Variants in ALCAM observed in about 807,000 individuals in gnomAD.
The protein encoded by ALCAM is activated leukocyte cell adhesion molecule, also known as CD166 antigen.
A neutral mutation model predicts 70.9 loss-of-function variants in ALCAM; 30 were observed. That is an observed-to-expected ratio of 0.42 (90% CI 0.32 to 0.57). The LOEUF (loss-of-function observed/expected upper bound fraction) is 0.57. Among genes scored for constraint, ALCAM ranks in the 20% least tolerant of loss-of-function variants. ALCAM has a pLI of 0.11. For synonymous variants in ALCAM, 249 were observed against 242.5 expected (o/e 1.03, Z -0.25); for missense variants, 591 against 695.1 (o/e 0.85, Z 1.68).
In ALCAM at chr3:105,367,156, C is replaced by G; in HGVS notation, c.-253C>G. On this transcript the variant is annotated 5_prime_UTR_variant, in exon 1 of 16. Coordinates refer to ENST00000306107, the MANE Select transcript of ALCAM (RefSeq NM_001627.4). Reference sequence around the variant, plus strand: ...CCTGGAAACAGAGGGTCGTTGTCCCCGGAGGAGCAGCCGAAGGGCCCGTGG... The same window carrying G: ...CCTGGAAACAGAGGGTCGTTGTCCCGGGAGGAGCAGCCGAAGGGCCCGTGG... 1 of 525,864 alleles carries G rather than the reference C, an allele frequency of 1.9e-6. No homozygotes were observed. The highest frequency in any genetic ancestry group is 3.5e-6 in the Non-Finnish European group (1 of 289,842). 32.6% of individuals were successfully genotyped at this position (525,864 alleles called of 1,614,324 possible). A position where few individuals can be genotyped will look rare whatever the true frequency, so the allele number is the denominator to read the frequency against.
intron 1 of ALCAM, among the ~76,000 whole-genome samples, chr3:105,500,170 C>T (rs1164389831): frequency 6.6e-6 from 1 of 152,010 alleles, no homozygotes; most frequent in Non-Finnish European, 1.5e-5. Context: ...CCAGTTTCCA[C>T]ATTATTTCAC....
intron 1 of ALCAM, among the ~76,000 whole-genome samples, chr3:105,369,474 A>G (rs1439368952): frequency 1.3e-5 from 2 of 152,178 alleles, no homozygotes; most frequent in Admixed American, 1.3e-4. Flanking sequence ...GGTTTCGGTG[A>G]ATTACCGAGC....
chr3:105,565,329 T>A (rs1267112199), intron 14 of ALCAM, among the ~76,000 whole-genome samples: 1 of 152,216 alleles, frequency 6.6e-6, no homozygotes, highest in East Asian at 1.9e-4. Flanking sequence ...TTGCCTTTAC[T>A]GTTTTGAAAA....
rs187560992 is a variant in ALCAM at position 105,572,758 on chromosome 3, G to A, written c.*25+794G>A. ...TCTCAAAACAGGAAGAGAGTTTTTC[G>A]AAAGGAAACTTTCGTGACTCAGAAA... On this transcript the variant is annotated intron_variant, in intron 15 of 15. Transcript: ENST00000306107. 9.0e-3 allele frequency among the ~76,000 whole-genome samples: 1,376 copies of A among 152,140 alleles called. 7 individuals carry two copies. The highest frequency in any genetic ancestry group is 0.018 in the African/African-American group (747 of 41,520).
intron 1 of ALCAM, among the ~76,000 whole-genome samples, chr3:105,382,869 ACTGCT>A (rs1935561508): frequency 6.6e-6 from 1 of 151,944 alleles, no homozygotes; most frequent in South Asian, 2.1e-4. Context: ...AACTCTTATA[ACTGCT>A]CTGCTTCAAA....
intron 1 of ALCAM, among the ~76,000 whole-genome samples, chr3:105,507,852 C>T (rs1939124347): frequency 6.6e-6 from 1 of 152,118 alleles, no homozygotes; most frequent in African/African-American, 2.4e-5. Flanking sequence ...TCAACCTTGC[C>T]ATTTTAGTCA....
intron 14 of ALCAM, among the ~76,000 whole-genome samples, chr3:105,567,964 C>T (rs1359017372): frequency 1.3e-5 from 2 of 151,810 alleles, no homozygotes; most frequent in Non-Finnish European, 2.9e-5. Context: ...TGTCACCTTG[C>T]GCTTGTGATG....
At chr3:105,417,587 C>A (rs1936536691) in intron 1 of ALCAM, among the ~76,000 whole-genome samples, 1 of 151,670 alleles carries the variant, frequency 6.6e-6, no homozygotes, top group Admixed American at 6.6e-5. Flanking sequence ...AATTCTTTAG[C>A]CTTGTTTCTT....
chr3:105,550,345 G>A (rs920018112), intron 12 of ALCAM, 86 bp downstream of exon 12: 7 of 1,287,786 alleles, frequency 5.4e-6, no homozygotes, highest in Non-Finnish European at 7.5e-6. Context: ...CCATCTTCCT[G>A]TACTGCATTA....
intron 1 of ALCAM, among the ~76,000 whole-genome samples, chr3:105,384,908 T>C (rs950249528): frequency 6.6e-6 from 1 of 151,570 alleles, no homozygotes; most frequent in African/African-American, 2.4e-5. Context: ...TAAAGCCAAG[T>C]AAACAAGACT....
chr3:105,539,648 T>C (rs190821710), intron 6 of ALCAM, among the ~76,000 whole-genome samples: 12 of 152,202 alleles, frequency 7.9e-5, no homozygotes, highest in African/African-American at 2.9e-4. Context: ...TATAATTAAA[T>C]TTCCCTATCA....
At chr3:105,528,721 G>A (rs1939768407) in intron 3 of ALCAM, among the ~76,000 whole-genome samples, 1 of 152,108 alleles carries the variant, frequency 6.6e-6, no homozygotes, top group South Asian at 2.1e-4. Context: ...ACACACTGGG[G>A]CCTTTCAGAG....
At chr3:105,431,510 G>T (rs1199107987) in intron 1 of ALCAM, among the ~76,000 whole-genome samples, 1 of 152,086 alleles carries the variant, frequency 6.6e-6, no homozygotes, top group African/African-American at 2.4e-5. Flanking sequence ...CTTTCTGCTT[G>T]TATCCCATTT....
intron 11 of ALCAM, 50 bp from the exon 12 acceptor site, chr3:105,550,077 T>G: frequency 6.6e-7 from 1 of 1,509,036 alleles, no homozygotes; most frequent in African/African-American, 1.4e-5. Flanking sequence ...TTTCCTATGC[T>G]TTTTAATCCA....
At position 105,558,366 on chromosome 3, in the gene ALCAM, T is replaced by A. The variant is rs534612994; in HGVS notation, c.1664+5781T>A. On this transcript the variant is annotated intron_variant, in intron 14 of 15. Transcript: ENST00000306107. ...GTACTCCTTTATGTGTGAAATATTT[T>A]AAGTGAGTATTGCTTTGGTTTTCTA... 3.9e-5 allele frequency among the ~76,000 whole-genome samples: 6 copies of A among 152,320 alleles called. 1 individual carries two copies. In the East Asian group the frequency reaches 1.2e-3, roughly 29 times the overall value.
chr3:105,445,228 CA>C (rs1034315879), intron 1 of ALCAM, among the ~76,000 whole-genome samples: 1 of 151,782 alleles, frequency 6.6e-6, no homozygotes, highest in Non-Finnish European at 1.5e-5. Flanking sequence ...CAATAACTAA[CA>C]AAAAAATCTT....
At chr3:105,522,360 A>G (rs565394648) in intron 2 of ALCAM, among the ~76,000 whole-genome samples, 1 of 152,324 alleles carries the variant, frequency 6.6e-6, no homozygotes, top group African/African-American at 2.4e-5. Flanking sequence ...ATAAACTGAG[A>G]TACATTTGAG....
chr3:105,563,519 G>A (rs1385541422), intron 14 of ALCAM, among the ~76,000 whole-genome samples: 2 of 151,588 alleles, frequency 1.3e-5, no homozygotes, highest in African/African-American at 2.4e-5. Flanking sequence ...TATAAGACAA[G>A]CATTGAAATT....
chr3:105,557,706 A>G (rs1006480388), intron 14 of ALCAM, among the ~76,000 whole-genome samples: 4 of 152,106 alleles, frequency 2.6e-5, no homozygotes, highest in Non-Finnish European at 5.9e-5. Flanking sequence ...CATTCAGTAC[A>G]GTTGTGTTTT....
Sources: allele counts gnomAD v4.1 joint callset (sites outside exome capture counted in the v4.1 genomes callset), GRCh38; gene constraint gnomAD v4.1.1; transcripts MANE v1.5; gene names NCBI Gene and HGNC (gene_info 2026-07-23, HGNC 2026-07-21).